The following TRIP11 variants were observed in gnomAD, a reference collection of about 807,000 sequenced individuals.
The protein encoded by TRIP11 is thyroid receptor-interacting protein 11.
In TRIP11, 148 loss-of-function variants were observed where a neutral mutation model predicts 223.1. The observed-to-expected ratio is 0.66, with a 90% CI of 0.58 to 0.76. The LOEUF (loss-of-function observed/expected upper bound fraction) is 0.76, where lower values mean the gene tolerates loss of function less well. Ranked by LOEUF, TRIP11 falls within the 30% of genes least tolerant of loss-of-function variation. The pLI, the probability that TRIP11 is intolerant of heterozygous loss-of-function variation, is 0.00. For missense variants in TRIP11, 2,043 were observed against 2,222.0 expected (o/e 0.92, Z 1.62); for synonymous variants, 762 against 772.6 (o/e 0.99, Z 0.23).
In TRIP11 at chr14:92,004,245, T is replaced by C; in HGVS notation, c.3731A>G (p.Glu1244Gly). The change falls in exon 11 of 21, where the codon GAA becomes GGA. Residue 1244 changes from glutamate (E) to glycine (G), a missense_variant. By Grantham distance (98) the Glu-to-Gly change is moderately conservative. Transcript: ENST00000267622. ...NMQHESAQLQ[E>G]ELHQLQAQVL... ...CTGTGCTTGAAGTTGGTGAAGCTCT[T>C]CCTGAAGCTGGGCTGACTCGTGTTG... The C allele has an allele frequency of 6.2e-7, 1 of 1,614,168 alleles. No individual in the cohort carries two copies. The highest frequency in any genetic ancestry group is 1.1e-5 in the South Asian group (1 of 91,082).
intron 1 of TRIP11, among the ~76,000 whole-genome samples, chr14:92,034,541 C>A (rs889429577): frequency 2.0e-5 from 3 of 152,074 alleles, no homozygotes; most frequent in Non-Finnish European, 4.4e-5. Flanking sequence ...TAATAAGTGA[C>A]CTATAAACGA....
At chr14:92,014,063 A>G in intron 7 of TRIP11, 152 bp downstream of exon 7, 3 of 1,133,348 alleles carry the variant, frequency 2.6e-6, no homozygotes, top group Non-Finnish European at 3.8e-6. Flanking sequence ...CTTACACTGA[A>G]TCCAAACCAC....
rs12884523 is a variant in TRIP11, at chr14:92,003,738, T to A, written c.4238A>T (p.Asp1413Val). Residue 1413 changes from aspartate (D) to valine (V), a missense_variant, in exon 11 of 21, where the codon GAC becomes GTC. Physicochemically the swap from Asp to Val is radical, Grantham distance 152. Coordinates refer to ENST00000267622, the MANE Select transcript of TRIP11 (RefSeq NM_004239.4). ...ATCACTTTTGGCTTTGATTAAGAGG[T>A]CTTTTTCCTTAAGTAACTTTTGCAA... ...DVLQKLLKEK[D>V]LLIKAKSDQL... 1 of 1,614,226 alleles carries A rather than the reference T, an allele frequency of 6.2e-7. No individual in the cohort carries two copies. Among genetic ancestry groups the A allele is most frequent in the Non-Finnish European group, 8.5e-7 (1 of 1,180,036 alleles).
At chr14:92,023,639 G>A (rs574326792) in intron 3 of TRIP11, among the ~76,000 whole-genome samples, 6 of 152,258 alleles carry the variant, frequency 3.9e-5, no homozygotes, top group African/African-American at 1.4e-4. Context: ...GTGTAAACAT[G>A]TATATGCTTT....
rs149690756 is a variant in TRIP11, at chr14:91,975,826, A to T, written c.5342+282T>A. 0.035 allele frequency among the ~76,000 whole-genome samples: 5,295 copies of T among 152,258 alleles called. 145 individuals are homozygous for T. The highest frequency in any genetic ancestry group is 0.095 in the Admixed American group (1,448 of 15,288). ...GAAGCAAAAAAGAATGGTAAAAATA[A>T]ATTTTTTATTTTCTAAGTACTTCTT... On this transcript the variant is annotated intron_variant, in intron 17 of 20. Coordinates refer to ENST00000267622, the MANE Select transcript of TRIP11 (RefSeq NM_004239.4).
Position 92,039,892 on chromosome 14 carries a change from A to G in TRIP11, c.-207T>C. ...GGAATTTTACCAGGGGCCCGCCTCT[A>G]GTGACACAGTCACCTACGGAGGGCC... On this transcript the variant is annotated 5_prime_UTR_variant, in exon 1 of 21. Coordinates refer to ENST00000267622, the MANE Select transcript of TRIP11 (RefSeq NM_004239.4). 2 of 961,048 alleles carry G rather than the reference A, an allele frequency of 2.1e-6. No individual in the cohort carries two copies. The highest frequency in any genetic ancestry group is 3.0e-6 in the Non-Finnish European group (2 of 657,242). The allele number at this position is 961,048 out of a possible 1,614,324, so 59.5% of individuals were successfully genotyped here.
At chr14:91,976,545 T>C (rs532672158) in intron 16 of TRIP11, among the ~76,000 whole-genome samples, 10 of 152,334 alleles carry the variant, frequency 6.6e-5, no homozygotes, top group African/African-American at 2.4e-4. Context: ...GCCACTCTTA[T>C]TAACAGGAGG....
At chr14:91,979,226 C>T (rs570217940) in intron 16 of TRIP11, among the ~76,000 whole-genome samples, 37 of 144,010 alleles carry the variant, frequency 2.6e-4, no homozygotes, top group African/African-American at 3.4e-4. Context: ...CACTGCACTC[C>T]GGCCTGGACA....
intron 10 of TRIP11, among the ~76,000 whole-genome samples, chr14:92,006,722 C>T (rs1039363215): frequency 2.0e-5 from 3 of 152,110 alleles, no homozygotes; most frequent in African/African-American, 7.2e-5. Flanking sequence ...GGCGCAATCT[C>T]GGCTCACCGC....
At position 92,004,561 on chromosome 14, in the gene TRIP11, C is replaced by T; in HGVS notation, c.3415G>A (p.Glu1139Lys). ...KEAALIKLQDENKKLSTRFES... is the reference protein window; with the variant it reads ...KEAALIKLQDKNKKLSTRFES... ...AATCTAGTGGACAATTTTTTATTTT[C>T]ATCTTGCAGTTTGATAAGAGCTGCT... Residue 1139 changes from glutamate (E) to lysine (K), a missense_variant, in exon 11 of 21, where the codon GAA (glutamate) becomes AAA (lysine). By Grantham distance (56) the Glu-to-Lys change is moderately conservative (BLOSUM62 1). Transcript: ENST00000267622. The T allele has an allele frequency of 1.2e-6, 2 of 1,613,500 alleles. No homozygotes were observed. The highest frequency in any genetic ancestry group is 1.7e-6 in the Non-Finnish European group (2 of 1,179,860).
Position 92,036,236 on chromosome 14 carries a change from A to G in TRIP11, c.140-2983T>C, listed in dbSNP as rs578015534. The stretch of plus-strand genomic sequence containing the variant: ...CCATGCAAACTCCACACCTCCCCCA[A>G]CAAGAAAAACTTGGCCTTTTTAAGT... On this transcript the variant is annotated intron_variant, in intron 1 of 20. Coordinates refer to ENST00000267622, the MANE Select transcript of TRIP11 (RefSeq NM_004239.4). Among the ~76,000 whole-genome samples the G allele has an allele frequency of 2.0e-5, 3 of 152,338 alleles. No homozygotes were observed. The East Asian group carries it at 5.8e-4, about 29-fold the overall frequency.
intron 4 of TRIP11, among the ~76,000 whole-genome samples, chr14:92,019,647 C>T (rs1237106777): frequency 2.0e-5 from 3 of 152,014 alleles, no homozygotes; most frequent in Non-Finnish European, 4.4e-5. Flanking sequence ...TCCAAATAAA[C>T]AGTGTTCCAG....
chr14:91,984,929 A>T (rs900282658), intron 16 of TRIP11, among the ~76,000 whole-genome samples: 9 of 152,216 alleles, frequency 5.9e-5, no homozygotes, highest in Non-Finnish European at 1.2e-4. Context: ...ATAATTTTTT[A>T]AAAGGAAGGA....
chr14:92,000,168 GAC>G, intron 11 of TRIP11, 60 bp from the exon 12 acceptor site: 1 of 1,604,908 alleles, frequency 6.2e-7, no homozygotes, highest in Admixed American at 1.7e-5. Context: ...TTTTAAAAGA[GAC>G]ATTTTCTTCA....
chr14:91,999,496 T>G, intron 12 of TRIP11, 63 bp from the exon 13 acceptor site: 1 of 1,518,652 alleles, frequency 6.6e-7, no homozygotes, highest in Non-Finnish European at 9.1e-7. Context: ...CAAACCATTT[T>G]GTTATCAAAT....
chr14:92,039,515 A>G lies in TRIP11; in HGVS notation c.139+32T>C, dbSNP rs148740467. On this transcript the variant is annotated intron_variant, in intron 1 of 20. Coordinates refer to ENST00000267622, the MANE Select transcript of TRIP11 (RefSeq NM_004239.4). ...AAACGGACGTTCCCAGGGTCTTAGA[A>G]AAGCCCTCCCTTCCCTCGCTCCAGC... 1.6e-4 allele frequency: 254 copies of G among 1,611,490 alleles called. 1 individual carries two copies. In the East Asian group the frequency reaches 3.3e-3, roughly 21 times the overall value.
chr14:91,972,942 T>G, intron 19 of TRIP11, 81 bp from the exon 20 acceptor site: 1 of 1,165,274 alleles, frequency 8.6e-7, no homozygotes. Flanking sequence ...CCAGCTTTTC[T>G]AATTAAATAT....
chr14:92,006,581 TCTATC>T, intron 10 of TRIP11, 133 bp from the exon 11 acceptor site: 2 of 1,060,262 alleles, frequency 1.9e-6, no homozygotes, highest in Non-Finnish European at 2.7e-6. Context: ...ACATTGTTTT[TCTATC>T]AAAAACACCC....
intron 3 of TRIP11, among the ~76,000 whole-genome samples, chr14:92,025,057 T>G: frequency 6.6e-6 from 1 of 152,294 alleles, no homozygotes; most frequent in Admixed American, 6.5e-5. Flanking sequence ...ACAAAAACTT[T>G]TTCTTCTTCT....
Sources: gnomAD v4.1 joint callset for allele counts (sites outside exome capture counted in the v4.1 genomes callset) on GRCh38, gnomAD v4.1.1 for gene constraint, MANE v1.5 for transcripts, NCBI Gene and HGNC (gene_info 2026-07-23, HGNC 2026-07-21) for gene names.